Variants in DPP10 observed in about 807,000 individuals in gnomAD.
DPP10 encodes the protein inactive dipeptidyl peptidase 10.
In DPP10, 33 loss-of-function variants were observed where a neutral mutation model predicts 120.9. The observed-to-expected ratio is 0.27, with a 90% CI of 0.21 to 0.37. DPP10 has a LOEUF of 0.37. Ranked by LOEUF, DPP10 falls within the 10% of genes least tolerant of loss-of-function variation. The probability of loss-of-function intolerance (pLI) is 1.00; values close to 1 mark genes in which losing one functional copy is unlikely to be tolerated. For missense variants in DPP10, 816 were observed against 942.8 expected (o/e 0.87, Z 1.76); for synonymous variants, 337 against 326.1 (o/e 1.03, Z -0.36).
chr2:114,552,946 G>A (rs544071123), intron 1 of DPP10, among the ~76,000 whole-genome samples: 1 of 152,214 alleles, frequency 6.6e-6, no homozygotes, highest in African/African-American at 2.4e-5. Flanking sequence ...ACTTTTTCCT[G>A]TTTATCACCT....
chr2:115,107,618 G>A (rs548989273), intron 1 of DPP10, among the ~76,000 whole-genome samples: 23 of 151,770 alleles, frequency 1.5e-4, no homozygotes, highest in African/African-American at 5.5e-4. Flanking sequence ...ATAGGTATAG[G>A]TATAACAAAA....
At chr2:114,547,042 A>C (rs965087376) in intron 1 of DPP10, among the ~76,000 whole-genome samples, 4 of 152,250 alleles carry the variant, frequency 2.6e-5, no homozygotes, top group Non-Finnish European at 4.4e-5. Flanking sequence ...TTTAAATCCC[A>C]GCTTCATTGC....
chr2:115,589,832 T>C, intron 5 of DPP10, among the ~76,000 whole-genome samples: 1 of 152,186 alleles, frequency 6.6e-6, no homozygotes, highest in Non-Finnish European at 1.5e-5. Context: ...GCAGATATTT[T>C]CCAGTATTAC....
chr2:115,686,284 AAC>A (rs1444051833), intron 5 of DPP10, among the ~76,000 whole-genome samples: 2 of 152,028 alleles, frequency 1.3e-5, no homozygotes, highest in South Asian at 2.1e-4. Context: ...TTATGGAGCA[AAC>A]ACATGTGTTA....
intron 2 of DPP10, among the ~76,000 whole-genome samples, chr2:115,340,051 G>C (rs1035309627): frequency 6.6e-6 from 1 of 152,124 alleles, no homozygotes; most frequent in Non-Finnish European, 1.5e-5. Context: ...TGAATGAAGA[G>C]TACACAGACT....
chr2:114,876,201 T>C (rs1398435185), intron 1 of DPP10, among the ~76,000 whole-genome samples: 1 of 152,128 alleles, frequency 6.6e-6, no homozygotes, highest in East Asian at 1.9e-4. Flanking sequence ...TCCTCTAAGA[T>C]ATTATGCAAT....
intron 8 of DPP10, among the ~76,000 whole-genome samples, chr2:115,738,536 C>T (rs1559094274): frequency 6.6e-6 from 1 of 152,080 alleles, no homozygotes; most frequent in African/African-American, 2.4e-5. Context: ...GAAAAAAGAC[C>T]ATTGTCACTT....
At chr2:115,441,058 G>A (rs2071998904) in intron 3 of DPP10, 1 of 152,126 alleles carries the variant, frequency 6.6e-6, no homozygotes, top group Non-Finnish European at 1.5e-5. Context: ...TGAGAAGCAA[G>A]GCTAGGTGAT....
At chr2:115,572,519 T>C (rs1207732269) in intron 5 of DPP10, among the ~76,000 whole-genome samples, 1 of 152,214 alleles carries the variant, frequency 6.6e-6, no homozygotes, top group African/African-American at 2.4e-5. Flanking sequence ...TATATGTGTA[T>C]GTTATATGCA....
At chr2:115,437,747 C>T (rs2071624623) in intron 3 of DPP10, among the ~76,000 whole-genome samples, 1 of 151,934 alleles carries the variant, frequency 6.6e-6, no homozygotes, top group Non-Finnish European at 1.5e-5. Flanking sequence ...CATTTATGTT[C>T]ATCTAGTAGA....
At chr2:115,633,115 T>C (rs1575397146) in intron 5 of DPP10, among the ~76,000 whole-genome samples, 1 of 152,274 alleles carries the variant, frequency 6.6e-6, no homozygotes, top group Non-Finnish European at 1.5e-5. Flanking sequence ...CATGCTGCTA[T>C]AAAGACACAT....
intron 1 of DPP10, among the ~76,000 whole-genome samples, chr2:114,653,050 G>A (rs892287181): frequency 3.3e-5 from 5 of 151,738 alleles, no homozygotes; most frequent in Non-Finnish European, 5.9e-5. Flanking sequence ...GTGTGTGTGT[G>A]TGTGTGTGTT....
intron 21 of DPP10, among the ~76,000 whole-genome samples, chr2:115,832,875 C>G (rs991555086): frequency 3.3e-5 from 5 of 151,962 alleles, no homozygotes; most frequent in Non-Finnish European, 7.4e-5. Context: ...CGGTAGGCAC[C>G]TTTATTATAC....
At chr2:115,043,251 A>G (rs1704802438) in intron 1 of DPP10, among the ~76,000 whole-genome samples, 1 of 152,228 alleles carries the variant, frequency 6.6e-6, no homozygotes. Context: ...GATATAGCCA[A>G]TCTTGAATAT....
intron 1 of DPP10, among the ~76,000 whole-genome samples, chr2:115,080,644 C>G (rs1252815731): frequency 5.3e-5 from 8 of 152,134 alleles, no homozygotes; most frequent in Admixed American, 5.2e-4. Context: ...ACAGTCTAGC[C>G]CCATATAGAT....
intron 5 of DPP10, among the ~76,000 whole-genome samples, chr2:115,654,987 T>G (rs1166751750): frequency 6.6e-6 from 1 of 151,784 alleles, no homozygotes; most frequent in East Asian, 1.9e-4. Context: ...AATTCTACAC[T>G]TATTTTCTAT....
intron 3 of DPP10, among the ~76,000 whole-genome samples, chr2:115,448,856 C>A (rs1437944049): frequency 6.6e-6 from 1 of 152,094 alleles, no homozygotes; most frequent in Non-Finnish European, 1.5e-5. Flanking sequence ...TCACTTTCTT[C>A]ATAGCACATA....
At chr2:114,839,976 G>C (rs978722707) in intron 1 of DPP10, among the ~76,000 whole-genome samples, 1 of 152,072 alleles carries the variant, frequency 6.6e-6, no homozygotes, top group Non-Finnish European at 1.5e-5. Flanking sequence ...TAAACTAATG[G>C]TCTATATAGC....
chr2:115,237,848 A>G (rs2058077323), intron 1 of DPP10, among the ~76,000 whole-genome samples: 1 of 152,202 alleles, frequency 6.6e-6, no homozygotes, highest in African/African-American at 2.4e-5. Context: ...GGAAATTGCA[A>G]AGGAAAACTT....
Sources: gnomAD v4.1 joint callset for allele counts (sites outside exome capture counted in the v4.1 genomes callset) on GRCh38, gnomAD v4.1.1 for gene constraint, MANE v1.5 for transcripts, NCBI Gene and HGNC (gene_info 2026-07-23, HGNC 2026-07-21) for gene names.